TTC17: variants seen among roughly 807,000 people sequenced by gnomAD.
TTC17 encodes tetratricopeptide repeat protein 17.
In TTC17, 58 loss-of-function variants were observed where a neutral mutation model predicts 143.8. That is an observed-to-expected ratio of 0.40 (90% CI 0.33 to 0.50). The LOEUF (loss-of-function observed/expected upper bound fraction) is 0.50. Among genes scored for constraint, TTC17 ranks in the 20% least tolerant of loss-of-function variants. TTC17 has a pLI of 0.49. For missense variants in TTC17, 1,273 were observed against 1,392.5 expected, an observed-to-expected ratio of 0.91 and a Z score of 1.37; for synonymous variants, 501 against 497.8, an observed-to-expected ratio of 1.01 and a Z score of -0.09.
At position 43,448,097 on chromosome 11, in the gene TTC17, C is replaced by G; in HGVS notation, c.2761C>G (p.Leu921Val). The change falls in exon 19 of 24, where the codon CTT becomes GTT. Residue 921 changes from leucine (L) to valine (V), a missense_variant. Physicochemically the swap from Leu to Val is conservative, Grantham distance 32. Coordinates refer to ENST00000039989, the MANE Select transcript of TTC17 (RefSeq NM_018259.6). ...VELTAIVSTW[L>V]AVSSKNIDIT... The stretch of plus-strand genomic sequence containing the variant: ...GCTGACTGCCATCGTGAGTACCTGG[C>G]TTGCAGTTTCTTCAAAAAACATTGA... 1.2e-6 allele frequency: 2 copies of G among 1,614,146 alleles called. No individual in the cohort carries two copies. Among genetic ancestry groups the G allele is most frequent in the Non-Finnish European group, 1.7e-6 (2 of 1,179,980 alleles).
intron 16 of TTC17, among the ~76,000 whole-genome samples, chr11:43,434,503 C>A (rs1055973533): frequency 9.9e-5 from 15 of 152,192 alleles, no homozygotes; most frequent in African/African-American, 3.4e-4. Context: ...TACTTTATTT[C>A]ACTGAGAATC....
At chr11:43,371,023 T>TGG (rs11332875) in intron 1 of TTC17, among the ~76,000 whole-genome samples, 70 of 108,654 alleles carry the variant, frequency 6.4e-4, no homozygotes, top group African/African-American at 2.1e-3. Flanking sequence ...GGAGGGGAGG[T>TGG]GGGGGGGGGG....
intron 21 of TTC17, chr11:43,468,300 T>C (rs1035015697): frequency 5.3e-5 from 8 of 152,190 alleles, no homozygotes; most frequent in African/African-American, 1.9e-4. Flanking sequence ...GGCAAAATGA[T>C]AGACCAATAG....
chr11:43,460,928 T>C (rs1947853678), intron 21 of TTC17, among the ~76,000 whole-genome samples: 1 of 152,220 alleles, frequency 6.6e-6, no homozygotes, highest in African/African-American at 2.4e-5. Flanking sequence ...ACTTCATCCA[T>C]GCTGCCTTTC....
At chr11:43,459,544 C>G (rs1947825636) in intron 21 of TTC17, among the ~76,000 whole-genome samples, 1 of 152,174 alleles carries the variant, frequency 6.6e-6, no homozygotes, top group African/African-American at 2.4e-5. Flanking sequence ...AAGCCACACC[C>G]ACAAATTTCT....
At chr11:43,409,169 T>A (rs187482468) in intron 15 of TTC17, among the ~76,000 whole-genome samples, 1 of 152,224 alleles carries the variant, frequency 6.6e-6, no homozygotes, top group South Asian at 2.1e-4. Flanking sequence ...AAAAAACTTA[T>A]TCCTACCTAA....
chr11:43,374,749 C>CAA (rs77640352), intron 1 of TTC17, among the ~76,000 whole-genome samples: 27 of 113,040 alleles, frequency 2.4e-4, no homozygotes, highest in African/African-American at 6.9e-4. Flanking sequence ...TTAAAAAGAC[C>CAA]AAAAAAAAAA....
At chr11:43,394,471 A>G (rs1857505164) in intron 5 of TTC17, among the ~76,000 whole-genome samples, 1 of 152,210 alleles carries the variant, frequency 6.6e-6, no homozygotes, top group African/African-American at 2.4e-5. Context: ...TTGGACTAGC[A>G]ATTGTTAGTA....
At chr11:43,490,086 G>A in intron 21 of TTC17, 153 bp from the exon 22 acceptor site, 3 of 1,008,010 alleles carry the variant, frequency 3.0e-6, no homozygotes, top group Non-Finnish European at 4.2e-6. Flanking sequence ...AAGGATTAAT[G>A]AAGGACAGGT....
At chr11:43,418,145 T>C (rs557377604) in intron 16 of TTC17, among the ~76,000 whole-genome samples, 2 of 152,364 alleles carry the variant, frequency 1.3e-5, no homozygotes, top group South Asian at 4.1e-4. Context: ...GCTAAAACTG[T>C]ATTGATTAAT....
At chr11:43,486,674 T>G (rs1179131355) in intron 21 of TTC17, among the ~76,000 whole-genome samples, 4 of 152,196 alleles carry the variant, frequency 2.6e-5, no homozygotes, top group Non-Finnish European at 5.9e-5. Flanking sequence ...TTCTGGAATA[T>G]TCATTGTATG....
chr11:43,403,638 G>A (rs1857972102), intron 10 of TTC17, among the ~76,000 whole-genome samples: 1 of 146,934 alleles, frequency 6.8e-6, no homozygotes, highest in Non-Finnish European at 1.5e-5. Context: ...ACCAATTTTA[G>A]AGTGGTGAGC....
chr11:43,394,283 G>A (rs959878422), intron 5 of TTC17, among the ~76,000 whole-genome samples: 1 of 152,220 alleles, frequency 6.6e-6, no homozygotes, highest in Non-Finnish European at 1.5e-5. Context: ...TCCAGGGTAA[G>A]GATTTTGGAT....
intron 21 of TTC17, among the ~76,000 whole-genome samples, chr11:43,478,511 A>G (rs1291704456): frequency 6.6e-6 from 1 of 152,222 alleles, no homozygotes; most frequent in Non-Finnish European, 1.5e-5. Flanking sequence ...TCACATTAAC[A>G]TGGATGAGGG....
At chr11:43,370,174 A>G in intron 1 of TTC17, 1 of 441,088 alleles carries the variant, frequency 2.3e-6, no homozygotes, top group Non-Finnish European at 4.5e-6. Flanking sequence ...AGAAGATGTA[A>G]GCCCATGATG....
intron 16 of TTC17, among the ~76,000 whole-genome samples, chr11:43,441,804 C>G (rs1041214502): frequency 5.3e-5 from 8 of 152,150 alleles, no homozygotes; most frequent in Non-Finnish European, 2.9e-5. Flanking sequence ...GAAAGCCCCT[C>G]TCTCTCAGAA....
chr11:43,427,725 A>G (rs747082530), intron 16 of TTC17, among the ~76,000 whole-genome samples: 1 of 152,158 alleles, frequency 6.6e-6, no homozygotes, highest in Non-Finnish European at 1.5e-5. Flanking sequence ...GTGACTTGCC[A>G]TGGTAGTTAT....
At chr11:43,404,925 A>G (rs575723810) in intron 11 of TTC17, among the ~76,000 whole-genome samples, 4 of 152,244 alleles carry the variant, frequency 2.6e-5, no homozygotes, top group Admixed American at 1.3e-4. Context: ...GTTCAATGCC[A>G]GGTTTTATAG....
intron 1 of TTC17, among the ~76,000 whole-genome samples, chr11:43,372,341 C>T (rs1410730212): frequency 6.6e-6 from 1 of 151,292 alleles, no homozygotes; most frequent in Non-Finnish European, 1.5e-5. Flanking sequence ...CCACTCTTGT[C>T]GCCCAGGCTG....
Sources: gnomAD v4.1 joint callset for allele counts (sites outside exome capture counted in the v4.1 genomes callset) on GRCh38, gnomAD v4.1.1 for gene constraint, MANE v1.5 for transcripts, NCBI Gene and HGNC (gene_info 2026-07-23, HGNC 2026-07-21) for gene names.